The following CUBN variants were observed in gnomAD, a reference collection of about 807,000 sequenced individuals.
The protein encoded by CUBN is cubilin.
Under a neutral mutation model 405.3 loss-of-function variants are expected in CUBN, and 282 were observed. The ratio of observed to expected loss-of-function variants is 0.70; its 90% CI spans 0.63 to 0.77. The LOEUF is 0.77. Among genes scored for constraint, CUBN ranks in the 30% least tolerant of loss-of-function variants. CUBN has a pLI of 0.00. For synonymous variants in CUBN, 1,684 were observed against 1,617.0 expected (o/e 1.04, Z -0.99); for missense variants, 4,514 against 4,475.2 (o/e 1.01, Z -0.25).
Position 16,841,061 on chromosome 10 carries a change from CA to C in CUBN, c.9664-15del. 1.2e-6 allele frequency: 2 copies of C among 1,613,178 alleles called. No individual in the cohort carries two copies. The highest frequency in any genetic ancestry group is 1.1e-5 in the South Asian group (1 of 91,006). Reference sequence around the variant, plus strand: ...CCCATCATATAACTGAGAAGAAAAACAATTCATTACTTCTCCATTACTTACA... The same window carrying C: ...CCCATCATATAACTGAGAAGAAAAACATTCATTACTTCTCCATTACTTACA... On this transcript the variant is annotated splice_polypyrimidine_tract_variant and intron_variant, in intron 60 of 66. Transcript: ENST00000377833.
chr10:16,918,562 T>C, intron 45 of CUBN, 60 bp downstream of exon 45: 1 of 1,303,948 alleles, frequency 7.7e-7, no homozygotes, highest in Non-Finnish European at 1.1e-6. Flanking sequence ...AATTTACCTA[T>C]ATAACAAATC....
intron 22 of CUBN, among the ~76,000 whole-genome samples, chr10:17,051,016 T>G (rs1835253226): frequency 6.6e-6 from 1 of 151,266 alleles, no homozygotes. Flanking sequence ...CATGTCCCAA[T>G]CTATCATGTC....
At chr10:17,113,981 C>T (rs369203407) in intron 8 of CUBN, 46 bp downstream of exon 8, 47 of 1,595,562 alleles carry the variant, frequency 2.9e-5, no homozygotes, top group Non-Finnish European at 3.9e-5. Flanking sequence ...TCTGGCACCT[C>T]GCCAACCTGG....
chr10:16,909,566 A>C (rs547274144), intron 48 of CUBN, among the ~76,000 whole-genome samples: 1 of 152,214 alleles, frequency 6.6e-6, no homozygotes, highest in Admixed American at 6.5e-5. Flanking sequence ...ATCAAAAGGG[A>C]TTAGAACCAA....
chr10:17,071,816 T>C lies in CUBN; in HGVS notation c.2446+11A>G, dbSNP rs372125740. ...GCAAATTAGACATTTAAAAATTATA[T>C]GTTTCCTTACCGACTTGATAAACAG... On this transcript the variant is annotated intron_variant, in intron 18 of 66. Transcript: ENST00000377833. The C allele has an allele frequency of 2.2e-4, 355 of 1,610,488 alleles. 1 individual carries two copies. In the South Asian group the frequency reaches 2.6e-3, roughly 12 times the overall value.
rs1835212269 is a variant in CUBN, at chr10:17,049,440, G to C, written c.3140-1837C>G. Among the ~76,000 whole-genome samples, 2 of 152,180 alleles carry C rather than the reference G, an allele frequency of 1.3e-5. 1 individual carries two copies. The highest frequency in any genetic ancestry group is 4.1e-4 in the South Asian group (2 of 4,826). ...GTCTTGCATATCTCTAATGCAACTT[G>C]TCTGTGGGAGAATGTTAAGTGTGAT... On this transcript the variant is annotated intron_variant, in intron 22 of 66. Coordinates refer to ENST00000377833, the MANE Select transcript of CUBN (RefSeq NM_001081.4).
intron 36 of CUBN, among the ~76,000 whole-genome samples, chr10:16,942,310 A>G (rs11254286): frequency 0.038 from 5,745 of 151,590 alleles, 327 homozygotes; most frequent in East Asian, 0.17. Flanking sequence ...CCACCCCTAA[A>G]TATATACCCA....
At position 16,899,201 on chromosome 10, in the gene CUBN, A is replaced by G. The variant is rs776410454; in HGVS notation, c.8411-18T>C. The G allele has an allele frequency of 1.9e-6, 3 of 1,604,622 alleles. No individual in the cohort carries two copies. The highest frequency in any genetic ancestry group is 1.1e-5 in the South Asian group (1 of 90,896). ...ACCACAACCTGAAATATTGCCATGT[A>G]AAAAGCCATCAATCAGCAAGGAAAG... On this transcript the variant is annotated intron_variant, in intron 53 of 66. Transcript: ENST00000377833.
intron 17 of CUBN, among the ~76,000 whole-genome samples, chr10:17,076,587 T>G (rs779098519): frequency 6.6e-6 from 1 of 152,106 alleles, no homozygotes; most frequent in Non-Finnish European, 1.5e-5. Flanking sequence ...GGATTGACTA[T>G]CTATGCTTTT....
intron 6 of CUBN, among the ~76,000 whole-genome samples, chr10:17,119,070 T>C (rs1347863199): frequency 1.3e-5 from 2 of 152,208 alleles, no homozygotes; most frequent in Non-Finnish European, 1.5e-5. Flanking sequence ...TTAGAGTCCA[T>C]GGTTCAATAC....
Position 16,913,991 on chromosome 10 carries a change from C to T in CUBN, c.7353G>A (p.Glu2451=). ...TAGAGCCCTGAAGATCCCCACCACA[C>T]TCTGACGTGGGGAAAAAGCCAAGAA... ...FRLRFESSME[E]CGGDLQGSIG... is the part of the protein sequence containing the mutation. The change falls in exon 48 of 67, where the codon GAG becomes GAA. Residue 2451 remains glutamate (E), a splice_region_variant and synonymous_variant. Coordinates refer to ENST00000377833, the MANE Select transcript of CUBN (RefSeq NM_001081.4). 1 of 1,613,940 alleles carries T rather than the reference C, an allele frequency of 6.2e-7. No individual in the cohort carries two copies. The highest frequency in any genetic ancestry group is 8.5e-7 in the Non-Finnish European group (1 of 1,179,960).
chr10:17,071,431 C>T lies in CUBN; in HGVS notation c.2620G>A (p.Val874Ile). 1 of 1,613,884 alleles carries T rather than the reference C, an allele frequency of 6.2e-7. No homozygotes were observed. Among genetic ancestry groups the T allele is most frequent in the Non-Finnish European group, 8.5e-7 (1 of 1,179,856 alleles). ...AAAGATTTTTTCCCTCTTACCTCAA[C>T]ATAATCTGTTTCACAGTGGGCAGAA... is the stretch of plus-strand genomic sequence containing the variant. ...GSSAHCETDY[V>I]EIGSSSILGS... Residue 874 changes from valine to isoleucine, a missense_variant, in exon 19 of 67, where the codon GTT (valine) becomes ATT (isoleucine). By Grantham distance (29) the Val-to-Ile change is conservative. Coordinates refer to ENST00000377833, the MANE Select transcript of CUBN (RefSeq NM_001081.4).
At chr10:17,036,664 G>A (rs1183330791) in intron 27 of CUBN, among the ~76,000 whole-genome samples, 4 of 152,124 alleles carry the variant, frequency 2.6e-5, no homozygotes, top group Non-Finnish European at 5.9e-5. Context: ...CTAGAATCTC[G>A]TAGATCAGTA....
intron 28 of CUBN, among the ~76,000 whole-genome samples, chr10:17,015,393 A>C: frequency 6.6e-6 from 1 of 152,158 alleles, no homozygotes; most frequent in Non-Finnish European, 1.5e-5. Flanking sequence ...CTCCCTAATA[A>C]GGGTGTGGGA....
At chr10:17,120,342 A>C (rs538649746) in intron 6 of CUBN, among the ~76,000 whole-genome samples, 6 of 152,348 alleles carry the variant, frequency 3.9e-5, no homozygotes, top group Admixed American at 2.0e-4. Context: ...ACGGGACTTA[A>C]AGTGTAGATA....
rs754150172 is a variant in CUBN, at chr10:17,045,192, C to A, written c.3491-4G>T. On this transcript the variant is annotated splice_polypyrimidine_tract_variant and splice_region_variant and intron_variant, in intron 24 of 66. Coordinates refer to ENST00000377833, the MANE Select transcript of CUBN (RefSeq NM_001081.4). ...GTGGTGAGATTACCCCCGCAACCTA[C>A]AGGAGAAAGAAGTGGAATGACACAC... is the stretch of plus-strand genomic sequence containing the variant. 8.7e-6 allele frequency: 14 copies of A among 1,613,370 alleles called. No individual in the cohort carries two copies. Among genetic ancestry groups the A allele is most frequent in the Non-Finnish European group, 1.2e-5 (14 of 1,179,780 alleles).
At chr10:16,920,278 A>C (rs746623436) in intron 43 of CUBN, 141 bp from the exon 44 acceptor site, 46 of 935,868 alleles carry the variant, frequency 4.9e-5, no homozygotes, top group Middle Eastern at 4.5e-4. Flanking sequence ...TTTCTTTTCC[A>C]GCAAACAAAT....
Position 17,123,585 on chromosome 10 carries a change from C to G in CUBN, c.489+3G>C, listed in dbSNP as rs555885592. 2 of 1,607,428 alleles carry G rather than the reference C, an allele frequency of 1.2e-6. No homozygotes were observed. The highest frequency in any genetic ancestry group is 1.7e-6 in the Non-Finnish European group (2 of 1,174,222). ...ATTCTTAACCAAAGAGTAGATGACT[C>G]ACCTTCCACTGTGGGGGACAGATAC... On this transcript the variant is annotated splice_donor_region_variant and intron_variant, in intron 5 of 66. Transcript: ENST00000377833.
chr10:17,118,556 C>A (rs953371555), intron 6 of CUBN, among the ~76,000 whole-genome samples: 1 of 152,206 alleles, frequency 6.6e-6, no homozygotes, highest in Admixed American at 6.5e-5. Flanking sequence ...CCCACCTCTG[C>A]CTCTCAAGTA....
Sources: gnomAD v4.1 joint callset for allele counts (sites outside exome capture counted in the v4.1 genomes callset) on GRCh38, gnomAD v4.1.1 for gene constraint, MANE v1.5 for transcripts, NCBI Gene and HGNC (gene_info 2026-07-23, HGNC 2026-07-21) for gene names.